COG5: variants seen among roughly 807,000 people sequenced by gnomAD.
COG5 encodes the protein component of oligomeric golgi complex 5, also known as conserved oligomeric Golgi complex subunit 5.
A neutral mutation model predicts 110.4 loss-of-function variants in COG5; 86 were observed. The ratio of observed to expected loss-of-function variants is 0.78; its 90% CI spans 0.65 to 0.93. The LOEUF is 0.93. Among genes scored for constraint, COG5 ranks in the 40% least tolerant of loss-of-function variants. COG5 has a pLI of 0.00. For synonymous variants in COG5, 360 were observed against 334.6 expected (o/e 1.08, Z -0.83); for missense variants, 1,077 against 987.0 (o/e 1.09, Z -1.22).
chr7:107,306,647 C>T (rs947223392), intron 11 of COG5, among the ~76,000 whole-genome samples: 1 of 152,150 alleles, frequency 6.6e-6, no homozygotes, highest in Non-Finnish European at 1.5e-5. Context: ...GAATCCAATA[C>T]CAACTAGGTA....
chr7:107,227,692 A>ATT (rs35707279), intron 19 of COG5, among the ~76,000 whole-genome samples: 4 of 112,300 alleles, frequency 3.6e-5, no homozygotes, highest in Non-Finnish European at 5.5e-5. Context: ...ACTTAGCACT[A>ATT]TTTTTTTTTG....
intron 6 of COG5, among the ~76,000 whole-genome samples, chr7:107,506,289 T>C (rs564942381): frequency 7.9e-5 from 12 of 152,320 alleles, no homozygotes; most frequent in African/African-American, 2.6e-4. Flanking sequence ...GTTGGTCTTA[T>C]GTTACCCAGG....
At chr7:107,477,906 A>C (rs2129116943) in intron 6 of COG5, among the ~76,000 whole-genome samples, 1 of 152,032 alleles carries the variant, frequency 6.6e-6, no homozygotes, top group South Asian at 2.1e-4. Context: ...CTTTATTTCA[A>C]ATAATTTTGC....
intron 10 of COG5, among the ~76,000 whole-genome samples, chr7:107,326,023 T>C (rs1184904788): frequency 6.6e-6 from 1 of 152,178 alleles, no homozygotes; most frequent in African/African-American, 2.4e-5. Context: ...GGAAGTATAA[T>C]ATACCACATT....
chr7:107,461,740 GT>G (rs1796001101), intron 6 of COG5, among the ~76,000 whole-genome samples: 1 of 152,116 alleles, frequency 6.6e-6, no homozygotes, highest in Non-Finnish European at 1.5e-5. Flanking sequence ...AAATTCAACA[GT>G]ATTTCTTTAT....
intron 7 of COG5, among the ~76,000 whole-genome samples, chr7:107,379,805 G>C (rs555668531): frequency 6.6e-6 from 1 of 152,138 alleles, no homozygotes; most frequent in African/African-American, 2.4e-5. Flanking sequence ...CCTACAAAGA[G>C]ACTTAGACTC....
At chr7:107,472,809 A>G (rs1796717381) in intron 6 of COG5, 1 of 151,954 alleles carries the variant, frequency 6.6e-6, no homozygotes, top group African/African-American at 2.4e-5. Context: ...GAAAATTATT[A>G]GCTTTTATAA....
chr7:107,407,598 TAAC>T (rs991752743), intron 7 of COG5, among the ~76,000 whole-genome samples: 37 of 148,744 alleles, frequency 2.5e-4, no homozygotes, highest in African/African-American at 8.9e-4. Flanking sequence ...ATATAATAAA[TAAC>T]ATTATTAAGC....
At chr7:107,421,756 A>C (rs1324608945) in intron 6 of COG5, among the ~76,000 whole-genome samples, 3 of 145,278 alleles carry the variant, frequency 2.1e-5, no homozygotes, top group Non-Finnish European at 4.5e-5. Flanking sequence ...ACAGAAGGAG[A>C]CTCCGTCTCA....
chr7:107,275,206 C>T (rs907884022), intron 14 of COG5, among the ~76,000 whole-genome samples: 1 of 151,698 alleles, frequency 6.6e-6, no homozygotes, highest in Non-Finnish European at 1.5e-5. Flanking sequence ...CGCAGTGGCT[C>T]ACTTTGGGAG....
chr7:107,339,060 CAGGTAA>C (rs1810954356), intron 10 of COG5, among the ~76,000 whole-genome samples: 1 of 152,050 alleles, frequency 6.6e-6, no homozygotes, highest in African/African-American at 2.4e-5. Flanking sequence ...CTAAATGCTC[CAGGTAA>C]AAGACACAGA....
intron 11 of COG5, among the ~76,000 whole-genome samples, chr7:107,311,370 A>ATTTTTTTTTTTTTTTT (rs71134260): frequency 3.4e-5 from 2 of 58,952 alleles, no homozygotes; most frequent in Non-Finnish European, 6.1e-5. Context: ...GCGTATTTAC[A>ATTTTTTTTTTTTTTTT]TTTTTTTTTT....
chr7:107,214,305 A>G (rs1321087034), intron 19 of COG5, among the ~76,000 whole-genome samples: 1 of 152,198 alleles, frequency 6.6e-6, no homozygotes, highest in Non-Finnish European at 1.5e-5. Flanking sequence ...GAGGATTCTC[A>G]GCAAAAACCC....
At chr7:107,227,949 C>T (rs191016945) in intron 19 of COG5, among the ~76,000 whole-genome samples, 74 of 152,114 alleles carry the variant, frequency 4.9e-4, no homozygotes, top group Non-Finnish European at 4.0e-4. Context: ...TATACATGCA[C>T]GTGCAATAAT....
chr7:107,463,533 A>C (rs1472512862), intron 6 of COG5, among the ~76,000 whole-genome samples: 1 of 152,236 alleles, frequency 6.6e-6, no homozygotes, highest in African/African-American at 2.4e-5. Context: ...GTGTAAGAAC[A>C]TAAAATTATC....
At chr7:107,514,476 C>G (rs1182792794) in intron 6 of COG5, among the ~76,000 whole-genome samples, 1 of 151,958 alleles carries the variant, frequency 6.6e-6, no homozygotes. Flanking sequence ...ATAAAGTATT[C>G]TTAGAAAGTA....
chr7:107,496,307 A>G (rs1196596913), intron 6 of COG5, among the ~76,000 whole-genome samples: 1 of 152,180 alleles, frequency 6.6e-6, no homozygotes, highest in Non-Finnish European at 1.5e-5. Flanking sequence ...TAAAAGGATC[A>G]TACATCATGA....
chr7:107,399,621 T>C (rs62482509), intron 7 of COG5, among the ~76,000 whole-genome samples: 3,959 of 152,280 alleles, frequency 0.026, 74 homozygotes, highest in South Asian at 0.049. Context: ...ATTAAACCTC[T>C]TTTCTTTATA....
intron 19 of COG5, among the ~76,000 whole-genome samples, chr7:107,221,770 A>G (rs1799945583): frequency 1.3e-5 from 2 of 151,800 alleles, no homozygotes; most frequent in Non-Finnish European, 2.9e-5. Context: ...GTCTCAAAAA[A>G]AAAAAAAAAA....
Sources: gnomAD v4.1 joint callset for allele counts (sites outside exome capture counted in the v4.1 genomes callset) on GRCh38, gnomAD v4.1.1 for gene constraint, MANE v1.5 for transcripts, NCBI Gene and HGNC (gene_info 2026-07-23, HGNC 2026-07-21) for gene names.